Variants in MATCAP2 observed in about 807,000 individuals in gnomAD.
MATCAP2 encodes putative tyrosine carboxypeptidase MATCAP2.
the MATCAP2 span, among the ~76,000 whole-genome samples, chr7:36,348,321 A>C: frequency 6.6e-6 from 1 of 152,202 alleles, no homozygotes; most frequent in Non-Finnish European, 1.5e-5. Context: ...TTGTAGCCAC[A>C]AACTAATGGG....
chr7:36,378,070 T>G, the MATCAP2 span, among the ~76,000 whole-genome samples: 1 of 152,202 alleles, frequency 6.6e-6, no homozygotes, highest in East Asian at 1.9e-4. Flanking sequence ...CTTGGAGAAG[T>G]TCGTGATTAC....
At chr7:36,382,990 A>C in the MATCAP2 span, among the ~76,000 whole-genome samples, 7 of 152,240 alleles carry the variant, frequency 4.6e-5, no homozygotes, top group African/African-American at 1.4e-4. Context: ...TTTTGAGATT[A>C]GTCTATTGAA....
At chr7:36,374,246 C>CTT in the MATCAP2 span, among the ~76,000 whole-genome samples, 75 of 143,110 alleles carry the variant, frequency 5.2e-4, no homozygotes, top group Middle Eastern at 3.8e-3. Flanking sequence ...GCAAGGCTAA[C>CTT]TTTTTTTTTT....
chr7:36,380,811 C>T, the MATCAP2 span, among the ~76,000 whole-genome samples: 1 of 152,216 alleles, frequency 6.6e-6, no homozygotes, highest in Non-Finnish European at 1.5e-5. Flanking sequence ...CTCACTGCAA[C>T]CTCCACCTCC....
At chr7:36,358,314 A>C in the MATCAP2 span, among the ~76,000 whole-genome samples, 3 of 152,228 alleles carry the variant, frequency 2.0e-5, no homozygotes, top group Non-Finnish European at 2.9e-5. Flanking sequence ...ATTTGGAAAT[A>C]TATATAAAGG....
chr7:36,374,019 G>T, the MATCAP2 span, among the ~76,000 whole-genome samples: 5 of 152,160 alleles, frequency 3.3e-5, no homozygotes, highest in Admixed American at 1.3e-4. Flanking sequence ...TGATCCACCT[G>T]CCTCAGCCTC....
At chr7:36,362,537 CTAAA>C in the MATCAP2 span, among the ~76,000 whole-genome samples, 1 of 152,202 alleles carries the variant, frequency 6.6e-6, no homozygotes, top group East Asian at 1.9e-4. Context: ...TAAAATAACA[CTAAA>C]TGTGCCAGAA....
chr7:36,329,999 T>C, the MATCAP2 span, among the ~76,000 whole-genome samples: 1 of 152,142 alleles, frequency 6.6e-6, no homozygotes, highest in African/African-American at 2.4e-5. Context: ...GGAAACAATC[T>C]GATAATCCAT....
the MATCAP2 span, among the ~76,000 whole-genome samples, chr7:36,360,758 GA>G: frequency 1.3e-5 from 2 of 152,158 alleles, no homozygotes; most frequent in Non-Finnish European, 2.9e-5. Flanking sequence ...AGAACACTAA[GA>G]GGCCGATAAC....
chr7:36,384,254 TA>T, the MATCAP2 span, among the ~76,000 whole-genome samples: 1 of 152,212 alleles, frequency 6.6e-6, no homozygotes, highest in Non-Finnish European at 1.5e-5. Context: ...GGGCTATCTT[TA>T]ATCTCTAGTT....
chr7:36,367,121 TGTGAGCA>T, the MATCAP2 span: 11 of 1,229,810 alleles, frequency 8.9e-6, no homozygotes, highest in Non-Finnish European at 1.1e-5. Flanking sequence ...CGACACTGAC[TGTGAGCA>T]GCGCTTCCAC....
At chr7:36,351,852 GGGAGGATTGCTTGCACC>G in the MATCAP2 span, among the ~76,000 whole-genome samples, 1 of 150,898 alleles carries the variant, frequency 6.6e-6, no homozygotes, top group Admixed American at 6.6e-5. Context: ...GGGCTGAGGT[GGGAGGATTGCTTGCACC>G]CAGGAGGTCA....
At chr7:36,368,842 C>T in the MATCAP2 span, among the ~76,000 whole-genome samples, 2 of 152,152 alleles carry the variant, frequency 1.3e-5, no homozygotes, top group Non-Finnish European at 2.9e-5. Flanking sequence ...ATCCTCCCTG[C>T]GTGGAATGTT....
At chr7:36,356,703 T>A in the MATCAP2 span, 1 of 609,158 alleles carries the variant, frequency 1.6e-6, no homozygotes, top group Non-Finnish European at 2.9e-6. Flanking sequence ...TATAACAGAT[T>A]ATAAATTTTG....
the MATCAP2 span, among the ~76,000 whole-genome samples, chr7:36,374,913 C>A: frequency 6.6e-6 from 1 of 152,134 alleles, no homozygotes; most frequent in Non-Finnish European, 1.5e-5. Context: ...GTATATGTGC[C>A]ACATTTTCTT....
chr7:36,351,232 C>G, the MATCAP2 span, among the ~76,000 whole-genome samples: 44,599 of 151,682 alleles, frequency 0.29, 7,241 homozygotes, highest in South Asian at 0.5. Context: ...CCTGTCTTTA[C>G]TAAAAGTACA....
the MATCAP2 span, chr7:36,383,786 C>A: frequency 1.0e-6 from 1 of 996,432 alleles, no homozygotes. Context: ...ACGTTCTGCA[C>A]ATGTACTCCA....
At chr7:36,363,278 T>G in the MATCAP2 span, among the ~76,000 whole-genome samples, 1 of 152,358 alleles carries the variant, frequency 6.6e-6, no homozygotes, top group East Asian at 1.9e-4. Context: ...ACATTCATCT[T>G]TGATATAAAG....
chr7:36,363,030 A>G, the MATCAP2 span, among the ~76,000 whole-genome samples: 3 of 152,236 alleles, frequency 2.0e-5, no homozygotes, highest in Non-Finnish European at 4.4e-5. Flanking sequence ...GGGGGGCCAG[A>G]GAGGTAGACA....
Sources: gnomAD v4.1 joint callset for allele counts (sites outside exome capture counted in the v4.1 genomes callset) on GRCh38, gnomAD v4.1.1 for gene constraint, MANE v1.5 for transcripts, NCBI Gene and HGNC (gene_info 2026-07-23, HGNC 2026-07-21) for gene names.